Variants in MARF1 observed in about 807,000 individuals in gnomAD.
MARF1 encodes meiosis regulator and mRNA stability factor 1.
In MARF1, 24 loss-of-function variants were observed where a neutral mutation model predicts 168.2. The observed-to-expected ratio is 0.14, with a 90% CI of 0.10 to 0.20. MARF1 has a LOEUF of 0.20. Ranked by LOEUF, MARF1 falls within the 10% of genes least tolerant of loss-of-function variation. The pLI, the probability that MARF1 is intolerant of heterozygous loss-of-function variation, is 1.00. For missense variants in MARF1, 1,744 were observed against 2,143.6 expected (o/e 0.81, Z 3.68); for synonymous variants, 868 against 822.4 (o/e 1.06, Z -0.95).
intron 2 of MARF1, among the ~76,000 whole-genome samples, 192 bp from the exon 3 acceptor site, chr16:15,636,534 A>G (rs914391992): frequency 2.4e-4 from 36 of 152,208 alleles, no homozygotes; most frequent in Non-Finnish European, 1.8e-4. Flanking sequence ...GGACATGAAC[A>G]CTGGAACACA....
At chr16:15,598,686 A>T (rs1407412451) in intron 26 of MARF1, among the ~76,000 whole-genome samples, 168 bp downstream of exon 26, 1 of 150,718 alleles carries the variant, frequency 6.6e-6, no homozygotes, top group Non-Finnish European at 1.5e-5. Context: ...TGTGCATCCC[A>T]TTCTGCAGGA....
At chr16:15,637,375 A>G (rs1302222686) in intron 2 of MARF1, among the ~76,000 whole-genome samples, 2 of 152,204 alleles carry the variant, frequency 1.3e-5, no homozygotes. Context: ...TCTGACGCCT[A>G]AAATTCCACT....
At chr16:15,598,734 T>C in intron 26 of MARF1, 120 bp downstream of exon 26, 1 of 962,966 alleles carries the variant, frequency 1.0e-6, no homozygotes, top group Middle Eastern at 3.2e-4. Context: ...ATCAGCACAG[T>C]GTTTTCCACC....
chr16:15,639,201 G>A lies in MARF1; in HGVS notation c.33C>T (p.Cys11=). 1.2e-6 allele frequency: 2 copies of A among 1,614,052 alleles called. No homozygotes were observed. The highest frequency in any genetic ancestry group is 1.3e-5 in the African/African-American group (1 of 75,048). Residue 11 remains cysteine (C), a synonymous_variant, in exon 2 of 27, where the codon TGC becomes TGT. Coordinates refer to ENST00000396368, the MANE Select transcript of MARF1 (RefSeq NM_014647.4). ...GTTGAAGCCATCCACGTGTTCTACTGCAGGAGTTCTCAGTTCCGTTTCCTT... is the reference window on the plus strand; with the variant it reads ...GTTGAAGCCATCCACGTGTTCTACTACAGGAGTTCTCAGTTCCGTTTCCTT... The part of the protein sequence containing the change: MMEGNGTENS[C]SRTRGWLQQD...
chr16:15,596,562 A>AC lies in MARF1; in HGVS notation c.*130dup. 2 of 826,952 alleles carry AC rather than the reference A, an allele frequency of 2.4e-6. No homozygotes were observed. The highest frequency in any genetic ancestry group is 3.6e-6 in the Non-Finnish European group (2 of 559,332). 51.2% of individuals were successfully genotyped at this position (826,952 alleles called of 1,614,324 possible). On this transcript the variant is annotated 3_prime_UTR_variant, in exon 27 of 27. Coordinates refer to ENST00000396368, the MANE Select transcript of MARF1 (RefSeq NM_014647.4). ...CAATGGAAAAGAAAAACATGATAGA[A>AC]CACAGGTAAGATGAAGTCAATGGCT... is the stretch of plus-strand genomic sequence containing the variant.
chr16:15,625,234 T>C, intron 8 of MARF1, 61 bp from the exon 9 acceptor site: 1 of 1,584,808 alleles, frequency 6.3e-7, no homozygotes, highest in Non-Finnish European at 8.6e-7. Context: ...GTTAGATCCT[T>C]TACAGAAAAC....
chr16:15,611,717 G>A lies in MARF1; in HGVS notation c.3492C>T (p.Ser1164=), dbSNP rs756011943. 1 of 1,613,878 alleles carries A rather than the reference G, an allele frequency of 6.2e-7. No individual in the cohort carries two copies. Among genetic ancestry groups the A allele is most frequent in the Non-Finnish European group, 8.5e-7 (1 of 1,179,894 alleles). ...TGTGGGTAAGGGTCAGCAGACGTTT[G>A]GAGCCCATTCCAAGAATCTGCAAAG... is the stretch of plus-strand genomic sequence containing the variant. ...PHVLQILGMG[S]KRLLTLTHRA... The change falls in exon 18 of 27, where the codon TCC becomes TCT. Residue 1164 remains serine, a synonymous_variant. Transcript: ENST00000396368.
chr16:15,620,602 T>C (rs2034387918), intron 12 of MARF1, 71 bp from the exon 13 acceptor site: 3 of 1,008,530 alleles, frequency 3.0e-6, no homozygotes, highest in Non-Finnish European at 4.5e-6. Flanking sequence ...ACAGAGTTCA[T>C]AAAATTAACC....
In MARF1 at chr16:15,643,150, T is replaced by TCCGCA. The variant is rs1051879691; in HGVS notation, c.-192_-191insTGCGG. The TCCGCA allele has an allele frequency of 2.7e-5, 8 of 291,178 alleles. No homozygotes were observed. The highest frequency in any genetic ancestry group is 1.2e-4 in the Admixed American group (2 of 16,752). 18.0% of individuals were successfully genotyped at this position (291,178 alleles called of 1,614,324 possible). Reference sequence around the variant, plus strand: ...GCCAAGCGCACCCTTCACTTCCGCTTCCGCACCGCACCGCCCCTGTCGCAA... The same window carrying TCCGCA: ...GCCAAGCGCACCCTTCACTTCCGCTTCCGCACCGCACCGCACCGCCCCTGTCGCAA... On this transcript the variant is annotated 5_prime_UTR_variant, in exon 1 of 27. Coordinates refer to ENST00000396368, the MANE Select transcript of MARF1 (RefSeq NM_014647.4).
In MARF1 at chr16:15,620,551, T is replaced by A. The variant is rs755444779; in HGVS notation, c.2640-20A>T. On this transcript the variant is annotated intron_variant, in intron 12 of 26. Coordinates refer to ENST00000396368, the MANE Select transcript of MARF1 (RefSeq NM_014647.4). Reference sequence around the variant, plus strand: ...TCTGCACTGTAAAACAGAAGTTTGATTAGGGAACAGACCATTTCCTCCATA... The same window carrying A: ...TCTGCACTGTAAAACAGAAGTTTGAATAGGGAACAGACCATTTCCTCCATA... The A allele has an allele frequency of 1.0e-5, 16 of 1,553,904 alleles. 1 individual carries two copies. In the South Asian group the frequency reaches 1.8e-4, roughly 18 times the overall value.
intron 7 of MARF1, 31 bp from the exon 8 acceptor site, chr16:15,625,831 G>A: frequency 1.3e-6 from 2 of 1,554,564 alleles, no homozygotes; most frequent in Non-Finnish European, 1.8e-6. Flanking sequence ...GTTACGTCAG[G>A]TTAATTCAAG....
At chr16:15,617,778 T>C (rs1009126898) in intron 13 of MARF1, among the ~76,000 whole-genome samples, 2 of 151,920 alleles carry the variant, frequency 1.3e-5, no homozygotes, top group Non-Finnish European at 2.9e-5. Flanking sequence ...CCCCAGCCCC[T>C]GCCCAGTTTC....
Position 15,625,397 on chromosome 16 carries a change from T to G in MARF1, c.1928A>C (p.Lys643Thr). The G allele has an allele frequency of 6.2e-7, 1 of 1,605,628 alleles. No individual in the cohort carries two copies. The highest frequency in any genetic ancestry group is 8.5e-7 in the Non-Finnish European group (1 of 1,176,880). The change falls in exon 8 of 27, where the codon AAA becomes ACA. Residue 643 changes from lysine to threonine, a missense_variant. Physicochemically the swap from Lys to Thr is moderately conservative, Grantham distance 78. Around this residue, in one of 7 missense-constraint regions of MARF1, gnomAD observed 270 missense variants for 260.6 expected, o/e 1.04. Coordinates refer to ENST00000396368, the MANE Select transcript of MARF1 (RefSeq NM_014647.4). The part of the protein sequence containing the change: ...GSQANSGSAT[K>T]NTNVKSLQEL... ...CTGTAAACTTTTAACATTTGTATTTTTTGTAGCAGATCCAGAATTTGCCTG... is the reference window on the plus strand; with the variant it reads ...CTGTAAACTTTTAACATTTGTATTTGTTGTAGCAGATCCAGAATTTGCCTG...
At chr16:15,616,963 T>C (rs2034101270) in intron 15 of MARF1, 89 bp downstream of exon 15, 3 of 1,476,294 alleles carry the variant, frequency 2.0e-6, no homozygotes, top group African/African-American at 2.8e-5. Flanking sequence ...AGAGTACTTA[T>C]TTGTAAAGAG....
intron 14 of MARF1, 50 bp downstream of exon 14, chr16:15,617,249 C>A: frequency 1.2e-6 from 2 of 1,609,122 alleles, no homozygotes; most frequent in Non-Finnish European, 1.7e-6. Context: ...CTAACATGTT[C>A]CACAATCTTA....
chr16:15,607,272 G>GTGCAC (rs1306416441), intron 21 of MARF1, among the ~76,000 whole-genome samples: 1 of 152,182 alleles, frequency 6.6e-6, no homozygotes, highest in Non-Finnish European at 1.5e-5. Context: ...GTGGGGGCTG[G>GTGCAC]GTGCAGTGGC....
In MARF1 at chr16:15,612,711, A is replaced by G; in HGVS notation, c.3320T>C (p.Val1107Ala). Residue 1107 changes from valine (V) to alanine (A), a missense_variant, in exon 17 of 27, where the codon GTG becomes GCG. This residue lies in a region of MARF1 where 543 missense variants were observed against 742.1 expected (regional missense o/e 0.73). Coordinates refer to ENST00000396368, the MANE Select transcript of MARF1 (RefSeq NM_014647.4). ...NPQLIQFSRE[V>A]IDLLKSQPSC... ...TGGCTGGCTTTTCAGCAAGTCAATC[A>G]CTTCTCTACTGAACTGGATCAGCTG... 6.2e-7 allele frequency: 1 copy of G among 1,614,196 alleles called. No individual in the cohort carries two copies. The highest frequency in any genetic ancestry group is 8.5e-7 in the Non-Finnish European group (1 of 1,180,030).
At chr16:15,600,405 T>C (rs772355464) in intron 25 of MARF1, 23 bp downstream of exon 25, 26 of 1,613,940 alleles carry the variant, frequency 1.6e-5, no homozygotes, top group Non-Finnish European at 5.9e-6. Context: ...CAAGCTCCTA[T>C]GTCTCTGCTT....
At chr16:15,600,032 T>G (rs2032245053) in intron 25 of MARF1, among the ~76,000 whole-genome samples, 1 of 152,214 alleles carries the variant, frequency 6.6e-6, no homozygotes, top group African/African-American at 2.4e-5. Context: ...GCAAGAATCC[T>G]CTTAGTAATT....
Sources: gnomAD v4.1 joint callset for allele counts (sites outside exome capture counted in the v4.1 genomes callset) on GRCh38, gnomAD v4.1.1 for gene constraint, gnomAD v4.1.1 regional missense constraint, MANE v1.5 for transcripts, NCBI Gene and HGNC (gene_info 2026-07-23, HGNC 2026-07-21) for gene names.